The following PTPN9 variants were observed in gnomAD, a reference collection of about 807,000 sequenced individuals.
PTPN9 encodes protein tyrosine phosphatase non-receptor type 9.
A neutral mutation model predicts 69.8 loss-of-function variants in PTPN9; 26 were observed. The ratio of observed to expected loss-of-function variants is 0.37; its 90% CI spans 0.27 to 0.52. The LOEUF is 0.52. PTPN9 is among the 20% of genes least tolerant of loss of function. PTPN9 has a pLI of 0.91. For missense variants in PTPN9, 549 were observed against 740.3 expected (o/e 0.74, Z 3.00); for synonymous variants, 274 against 272.5 (o/e 1.01, Z -0.05).
intron 3 of PTPN9, 32 bp from the exon 4 acceptor site, chr15:75,523,277 A>C (rs1040702341): frequency 6.2e-7 from 1 of 1,604,794 alleles, no homozygotes; most frequent in Non-Finnish European, 8.5e-7. Flanking sequence ...ACATTAAAAA[A>C]ATCAAATAGA....
intron 7 of PTPN9, among the ~76,000 whole-genome samples, chr15:75,503,165 G>A (rs565055510): frequency 6.7e-6 from 1 of 149,256 alleles, no homozygotes; most frequent in Non-Finnish European, 1.5e-5. Flanking sequence ...GTCTCTGCCC[G>A]GCCGCCATCC....
At chr15:75,486,099 C>CAAAAAAAA (rs571404981) in intron 8 of PTPN9, among the ~76,000 whole-genome samples, 2 of 87,002 alleles carry the variant, frequency 2.3e-5, no homozygotes, top group African/African-American at 8.5e-5. Context: ...GACTCCAACT[C>CAAAAAAAA]AAAAAAAAAA....
In PTPN9 at chr15:75,468,779, T is replaced by G. The variant is rs757462800; in HGVS notation, c.1772A>C (p.Glu591Ala). The G allele has an allele frequency of 1.9e-6, 3 of 1,613,686 alleles. No individual in the cohort carries two copies. In the African/African-American group the frequency reaches 4.0e-5, roughly 22 times the overall value. ...VSSGQNLLAV[E>A]SQ ...AGGTTCGTAGGAGAGTTACTGACTC[T>G]CCACGGCCAGCAGGTTTTGGCCAGA... Residue 591 changes from glutamate to alanine, a missense_variant, in exon 13 of 13, where the codon GAG becomes GCG. Physicochemically the swap from Glu to Ala is moderately radical, Grantham distance 107. This residue lies in a region of PTPN9 where 30 missense variants were observed against 24.8 expected (regional missense o/e 1.21). Coordinates refer to ENST00000618819, the MANE Select transcript of PTPN9 (RefSeq NM_002833.4).
At chr15:75,519,461 A>G (rs1360913068) in intron 4 of PTPN9, among the ~76,000 whole-genome samples, 1 of 151,782 alleles carries the variant, frequency 6.6e-6, no homozygotes, top group Non-Finnish European at 1.5e-5. Flanking sequence ...GAACCTCCAT[A>G]TCTTCATCCC....
Position 75,468,954 on chromosome 15 carries a change from C to A in PTPN9, c.1597G>T (p.Ala533Ser), listed in dbSNP as rs755506201. 2.5e-6 allele frequency: 4 copies of A among 1,613,878 alleles called. No homozygotes were observed. The Admixed American group carries it at 5.0e-5, about 20-fold the overall frequency. ...AGGGTGCCAAGCTCCTCCAGCTGTG[C>A]CAGGCAGATGTCCAGTGAGCAGAAG... ...GTFCSLDICL[A>S]QLEELGTLNV... Residue 533 changes from alanine (A) to serine (S), a missense_variant, in exon 13 of 13, where the codon GCA becomes TCA. By Grantham distance (99) the Ala-to-Ser change is moderately conservative (BLOSUM62 1). This residue lies in a region of PTPN9 where 457 missense variants were observed against 661.9 expected (regional missense o/e 0.69). Coordinates refer to ENST00000618819, the MANE Select transcript of PTPN9 (RefSeq NM_002833.4).
At chr15:75,528,162 C>T (rs1054567396) in intron 1 of PTPN9, among the ~76,000 whole-genome samples, 4 of 152,204 alleles carry the variant, frequency 2.6e-5, no homozygotes, top group African/African-American at 9.6e-5. Context: ...GAGTCAATAA[C>T]AGCCCCTCTG....
intron 7 of PTPN9, among the ~76,000 whole-genome samples, chr15:75,504,786 C>A (rs2074807139): frequency 7.0e-6 from 1 of 143,770 alleles, no homozygotes; most frequent in African/African-American, 2.7e-5. Flanking sequence ...GCCGCCCCGT[C>A]CGGGAGGGAG....
chr15:75,575,423 C>T (rs2075167737), intron 1 of PTPN9, among the ~76,000 whole-genome samples: 1 of 152,044 alleles, frequency 6.6e-6, no homozygotes, highest in Non-Finnish European at 1.5e-5. Context: ...CAAACTGACT[C>T]TCAAAAGTAC....
intron 8 of PTPN9, chr15:75,480,644 G>C (rs1045886074): frequency 2.6e-4 from 311 of 1,217,116 alleles, no homozygotes; most frequent in Middle Eastern, 3.3e-4. Flanking sequence ...TGACGCCCGC[G>C]GGCCCCAGCT....
chr15:75,505,731 A>C lies in PTPN9; in HGVS notation c.912T>G (p.Tyr304Ter). The C allele has an allele frequency of 6.2e-7, 1 of 1,614,076 alleles. No homozygotes were observed. The highest frequency in any genetic ancestry group is 8.5e-7 in the Non-Finnish European group (1 of 1,179,958). Residue 304 changes from tyrosine to a stop codon, truncating the protein, a stop_gained, in exon 7 of 13, where the codon TAT becomes TAG. Coordinates refer to ENST00000618819, the MANE Select transcript of PTPN9 (RefSeq NM_002833.4). LOFTEE classifies it high-confidence loss of function. ...CACGACGAATGTCTTCATATTCCTC[A>C]TAGATTCCTTGCTTTTGCCTGGCAT... ...YVNARQKQGI[Y>*]EEYEDIRREN... is the part of the protein sequence containing the mutation.
chr15:75,559,185 C>A (rs2075092173), intron 1 of PTPN9, among the ~76,000 whole-genome samples: 1 of 151,648 alleles, frequency 6.6e-6, no homozygotes, highest in Non-Finnish European at 1.5e-5. Flanking sequence ...GCCGCCCCGT[C>A]TAAGTGAGGA....
chr15:75,537,753 C>CAAAAAAAAAAAAAAAAAAAAA (rs1164644727), intron 1 of PTPN9, among the ~76,000 whole-genome samples: 162 of 11,374 alleles, frequency 0.014, 30 homozygotes, highest in Non-Finnish European at 0.019. Context: ...GACTCCATCT[C>CAAAAAAAAAAAAAAAAAAAAA]AAAAAAAAAA....
At chr15:75,471,441 A>T (rs1240359073) in intron 10 of PTPN9, among the ~76,000 whole-genome samples, 1 of 152,038 alleles carries the variant, frequency 6.6e-6, no homozygotes, top group African/African-American at 2.4e-5. Context: ...TATCTCTACT[A>T]AAAATACAAA....
intron 1 of PTPN9, among the ~76,000 whole-genome samples, chr15:75,535,634 A>G (rs1470128734): frequency 6.6e-6 from 1 of 152,252 alleles, no homozygotes; most frequent in Non-Finnish European, 1.5e-5. Context: ...CTGGCTTTTA[A>G]CAAATTTGAA....
intron 8 of PTPN9, among the ~76,000 whole-genome samples, chr15:75,483,139 T>G (rs1567471575): frequency 6.6e-6 from 1 of 152,196 alleles, no homozygotes; most frequent in Non-Finnish European, 1.5e-5. Flanking sequence ...CTAGTGGTAA[T>G]GTAAAATGCT....
chr15:75,532,217 T>C (rs1005208567), intron 1 of PTPN9, among the ~76,000 whole-genome samples: 1 of 151,902 alleles, frequency 6.6e-6, no homozygotes, highest in African/African-American at 2.4e-5. Flanking sequence ...GCCAACATAG[T>C]GAATGAAACC....
intron 3 of PTPN9, 123 bp from the exon 4 acceptor site, chr15:75,523,368 G>C (rs776948178): frequency 9.0e-7 from 1 of 1,108,764 alleles, no homozygotes; most frequent in Non-Finnish European, 1.3e-6. Flanking sequence ...ATAATTCCCT[G>C]ACTTCACCAA....
At chr15:75,486,786 T>G (rs928246986) in intron 8 of PTPN9, among the ~76,000 whole-genome samples, 1 of 148,914 alleles carries the variant, frequency 6.7e-6, no homozygotes, top group Non-Finnish European at 1.5e-5. Context: ...GTGGTGTTTT[T>G]TTTTTTTTTT....
At chr15:75,566,282 G>C (rs2075126089) in intron 1 of PTPN9, among the ~76,000 whole-genome samples, 1 of 152,086 alleles carries the variant, frequency 6.6e-6, no homozygotes, top group Non-Finnish European at 1.5e-5. Flanking sequence ...AAAAAGGCCA[G>C]ATTTGCAATA....
Sources: allele counts gnomAD v4.1 joint callset (sites outside exome capture counted in the v4.1 genomes callset), GRCh38; gene constraint gnomAD v4.1.1; regional missense constraint gnomAD v4.1.1; transcripts MANE v1.5; gene names NCBI Gene and HGNC (gene_info 2026-07-23, HGNC 2026-07-21).